CNKSR1: variants seen among roughly 807,000 people sequenced by gnomAD.
CNKSR1 encodes connector enhancer of kinase suppressor of Ras 1, also known as CNK homolog protein 1.
CNKSR1 carries 88 observed loss-of-function variants against 95.6 expected under a neutral mutation model. The observed-to-expected ratio is 0.92, with a 90% confidence interval of 0.78 to 1.10. The LOEUF (loss-of-function observed/expected upper bound fraction) is 1.10, where lower values mean the gene tolerates loss of function less well. CNKSR1 is among the 50% of genes least tolerant of loss of function. CNKSR1 has a pLI of 0.00. For missense variants in CNKSR1, 836 were observed against 912.0 expected, an observed-to-expected ratio of 0.92 and a Z score of 1.07; for synonymous variants, 355 against 369.7, an observed-to-expected ratio of 0.96 and a Z score of 0.46.
In CNKSR1 at chr1:26,188,304, G is replaced by C; in HGVS notation, c.1525G>C (p.Glu509Gln). 1 of 1,614,052 alleles carries C rather than the reference G, an allele frequency of 6.2e-7. No homozygotes were observed. The highest frequency in any genetic ancestry group is 8.5e-7 in the Non-Finnish European group (1 of 1,179,970). Residue 509 changes from glutamate (E) to glutamine (Q), a missense_variant, in exon 17 of 21, where the codon GAA (glutamate) becomes CAA (glutamine). Physicochemically the swap from Glu to Gln is conservative, Grantham distance 29. Coordinates refer to ENST00000361530, the MANE Select transcript of CNKSR1 (RefSeq NM_006314.3). ...AGGCCGGGCCCCCCCACCCCGAGAG[G>C]AAGGTAGGTGTCTCGCAGGGTTGAG... ...SPGRAPPPREEDCYSETEAED... is the reference protein window; with the variant it reads ...SPGRAPPPREQDCYSETEAED...
rs371610475 is a variant in CNKSR1, at chr1:26,183,264, C to T, written c.684+8C>T. 9.3e-6 allele frequency: 15 copies of T among 1,613,992 alleles called. No individual in the cohort carries two copies. In the African/African-American group the frequency reaches 2.0e-4, roughly 22 times the overall value. On this transcript the variant is annotated splice_region_variant and intron_variant, in intron 7 of 20. Transcript: ENST00000361530. ...TCCCAAGTGGACACCCAGGTGAGAG[C>T]CCCACACCCTTCTCAGCCGCCCATC...
Position 26,184,073 on chromosome 1 carries a change from G to GC in CNKSR1, c.863dup (p.Gln289SerfsTer25). The GC allele has an allele frequency of 6.2e-7, 1 of 1,604,802 alleles. No individual in the cohort carries two copies. The highest frequency in any genetic ancestry group is 1.4e-5 in the African/African-American group (1 of 71,680). ...CTTTGTTCCTGGTTGTTCCCCAGAC[G>GC]CCCCCTCAGGTCCTGGACTCCCCGC... On this transcript the variant is annotated frameshift_variant, in exon 10 of 21. Transcript: ENST00000361530. LOFTEE classifies it high-confidence loss of function.
rs1355535816 is a variant in CNKSR1 at position 26,188,935 on chromosome 1, G to A, written c.1854G>A (p.Ala618=). ...QLNERVHRVR[A]LQSTLKAKLQ... ...ATGAGCGAGTGCACCGTGTGCGGGC[G>A]CTACAGAGCACACTCAAGGTCAGCT... is the stretch of plus-strand genomic sequence containing the variant. The change falls in exon 20 of 21, where the codon GCG becomes GCA. Residue 618 remains alanine, a synonymous_variant. Transcript: ENST00000361530. 34 of 1,613,360 alleles carry A rather than the reference G, an allele frequency of 2.1e-5. No homozygotes were observed. The highest frequency in any genetic ancestry group is 3.3e-5 in the Admixed American group (2 of 59,996).
intron 13 of CNKSR1, 76 bp downstream of exon 13, chr1:26,184,688 C>A: frequency 1.4e-6 from 2 of 1,474,394 alleles, no homozygotes; most frequent in Non-Finnish European, 1.9e-6. Context: ...CTGGGCAAGA[C>A]CACCCCCATC....
intron 1 of CNKSR1, among the ~76,000 whole-genome samples, chr1:26,179,701 A>T (rs2088614448): frequency 6.6e-6 from 1 of 152,234 alleles, no homozygotes; most frequent in African/African-American, 2.4e-5. Context: ...CTCACATTAC[A>T]GGTGAGAAAA....
rs575983794 is a variant in CNKSR1 at position 26,188,458 on chromosome 1, C to T, written c.1545C>T (p.Thr515=). ...TCACCCCAGACTGCTACAGTGAGAC[C>T]GAAGCAGAGGACCCGGACGATGAGG... is the stretch of plus-strand genomic sequence containing the variant. The part of the protein sequence containing the change: ...PPREEDCYSE[T]EAEDPDDEAG... Residue 515 remains threonine, a synonymous_variant, in exon 18 of 21, where the codon ACC becomes ACT. Coordinates refer to ENST00000361530, the MANE Select transcript of CNKSR1 (RefSeq NM_006314.3). 39 of 1,605,670 alleles carry T rather than the reference C, an allele frequency of 2.4e-5. No homozygotes were observed. The highest frequency in any genetic ancestry group is 1.7e-4 in the Middle Eastern group (1 of 6,056).
chr1:26,177,502 ACAG>A lies in CNKSR1; in HGVS notation c.-42_-40del. The A allele has an allele frequency of 6.2e-7, 1 of 1,612,296 alleles. No individual in the cohort carries two copies. The highest frequency in any genetic ancestry group is 8.5e-7 in the Non-Finnish European group (1 of 1,179,264). Reference sequence around the variant, plus strand: ...GGCTCTGGGAGCGGAAATTCCGGCGACAGCAGGGCAAAACAGGAGCTGATTCGA... The same window carrying A: ...GGCTCTGGGAGCGGAAATTCCGGCGACAGGGCAAAACAGGAGCTGATTCGA... On this transcript the variant is annotated 5_prime_UTR_variant, in exon 1 of 21. Transcript: ENST00000361530.
chr1:26,177,791 AC>A (rs960293107), intron 1 of CNKSR1, among the ~76,000 whole-genome samples, 192 bp downstream of exon 1: 16 of 152,094 alleles, frequency 1.1e-4, no homozygotes, highest in Admixed American at 3.3e-4. Context: ...GCATGGTGAA[AC>A]CCCGTCTCTA....
At chr1:26,185,584 G>C (rs1456980343) in intron 14 of CNKSR1, among the ~76,000 whole-genome samples, 1 of 152,116 alleles carries the variant, frequency 6.6e-6, no homozygotes, top group South Asian at 2.1e-4. Context: ...AGTAGAGACA[G>C]GGTTTCACCG....
chr1:26,182,334 G>T (rs775208134), intron 4 of CNKSR1, 27 bp from the exon 5 acceptor site: 46 of 1,613,432 alleles, frequency 2.9e-5, no homozygotes, highest in Non-Finnish European at 3.7e-5. Context: ...CTCAGGGGAG[G>T]CCCCTGCTCT....
In CNKSR1 at chr1:26,188,514, G is replaced by C; in HGVS notation, c.1590+11G>C. The C allele has an allele frequency of 6.2e-7, 1 of 1,601,338 alleles. No homozygotes were observed. The highest frequency in any genetic ancestry group is 8.5e-7 in the Non-Finnish European group (1 of 1,174,362). ...TCCCACTCAGCCTCGGTGAGTGGGG[G>C]GCTGCCGGGGGTAGGAGGTGGGGAT... On this transcript the variant is annotated intron_variant, in intron 18 of 20. Coordinates refer to ENST00000361530, the MANE Select transcript of CNKSR1 (RefSeq NM_006314.3).
chr1:26,181,977 T>C (rs561880306), intron 4 of CNKSR1, 36 bp downstream of exon 4: 6 of 1,581,042 alleles, frequency 3.8e-6, no homozygotes, highest in Non-Finnish European at 5.2e-6. Flanking sequence ...GCCCATGCCC[T>C]AGAGACCAAG....
Position 26,189,552 on chromosome 1 carries a change from T to C in CNKSR1, c.*4T>C. 1 of 1,401,916 alleles carries C rather than the reference T, an allele frequency of 7.1e-7. No individual in the cohort carries two copies. The highest frequency in any genetic ancestry group is 2.3e-5 in the East Asian group (1 of 43,956). 86.8% of individuals were successfully genotyped at this position (1,401,916 alleles called of 1,614,324 possible). On this transcript the variant is annotated 3_prime_UTR_variant, in exon 21 of 21. Coordinates refer to ENST00000361530, the MANE Select transcript of CNKSR1 (RefSeq NM_006314.3). ...CCTCCGACCTCCTGACCTCTGACCC[T>C]GGCCAGCACTCTAGCTCCTGACCTT...
In CNKSR1 at chr1:26,189,679, C is replaced by T. The variant is rs2088830823; in HGVS notation, c.*131C>T. ...AGTAGTACTGCTAGTCATGGTCTCACCCCGAGCTGACCCCTCTGCCTGGGC... is the reference window on the plus strand; with the variant it reads ...AGTAGTACTGCTAGTCATGGTCTCATCCCGAGCTGACCCCTCTGCCTGGGC... On this transcript the variant is annotated 3_prime_UTR_variant, in exon 21 of 21. Coordinates refer to ENST00000361530, the MANE Select transcript of CNKSR1 (RefSeq NM_006314.3). The T allele has an allele frequency of 1.3e-6, 1 of 773,482 alleles. No individual in the cohort carries two copies. The highest frequency in any genetic ancestry group is 1.7e-5 in the African/African-American group (1 of 59,082). 47.9% of individuals were successfully genotyped at this position (773,482 alleles called of 1,614,324 possible).
intron 1 of CNKSR1, chr1:26,180,066 G>GTCA (rs2088619483): frequency 3.2e-6 from 1 of 308,032 alleles, no homozygotes; most frequent in South Asian, 2.9e-5. Context: ...AGCCTAGGAG[G>GTCA]TCAAGGCTGC....
At chr1:26,185,253 T>G in intron 14 of CNKSR1, 67 bp downstream of exon 14, 1 of 1,473,790 alleles carries the variant, frequency 6.8e-7, no homozygotes, top group Admixed American at 2.0e-5. Flanking sequence ...CTCATCTCTA[T>G]TCTATCATCC....
chr1:26,182,029 C>A, intron 4 of CNKSR1, 88 bp downstream of exon 4: 2 of 1,244,722 alleles, frequency 1.6e-6, no homozygotes, highest in Non-Finnish European at 2.4e-6. Flanking sequence ...AGCCCAGGAT[C>A]GAGTATGAGG....
At position 26,188,484 on chromosome 1, in the gene CNKSR1, CTGGG is replaced by C; in HGVS notation, c.1573_1576del (p.Gly525ProfsTer37). 1.9e-6 allele frequency: 3 copies of C among 1,604,764 alleles called. No individual in the cohort carries two copies. Among genetic ancestry groups the C allele is most frequent in the Non-Finnish European group, 2.6e-6 (3 of 1,175,872 alleles). ...GAAGCAGAGGACCCGGACGATGAGG[CTGGG>C]TCCCACTCAGCCTCGGTGAGTGGGG... On this transcript the variant is annotated frameshift_variant, in exon 18 of 21. Transcript: ENST00000361530. LOFTEE classifies it high-confidence loss of function.
chr1:26,182,507 A>G lies in CNKSR1; in HGVS notation c.547A>G (p.Asn183Asp). 6.2e-7 allele frequency: 1 copy of G among 1,614,014 alleles called. No individual in the cohort carries two copies. Among genetic ancestry groups the G allele is most frequent in the Non-Finnish European group, 8.5e-7 (1 of 1,179,968 alleles). ...ICSHVAGICH[N>D]ILVCCPKELL... ...CAGCCACGTGGCTGGGATCTGCCAC[A>G]ACATCCTGGTCTGCTGCCCCAAGGA... Residue 183 changes from asparagine (N) to aspartate (D), a missense_variant, in exon 6 of 21, where the codon AAC becomes GAC. By Grantham distance (23) the Asn-to-Asp change is conservative (BLOSUM62 1). Transcript: ENST00000361530.
Sources: allele counts gnomAD v4.1 joint callset (sites outside exome capture counted in the v4.1 genomes callset), GRCh38; gene constraint gnomAD v4.1.1; transcripts MANE v1.5; gene names NCBI Gene and HGNC (gene_info 2026-07-23, HGNC 2026-07-21).